The following MTMR7 variants were observed in gnomAD, a reference collection of about 807,000 sequenced individuals.
MTMR7 encodes the protein myotubularin related protein 7.
A neutral mutation model predicts 81.2 loss-of-function variants in MTMR7; 76 were observed. The ratio of observed to expected loss-of-function variants is 0.94; its 90% CI spans 0.78 to 1.13. The LOEUF (loss-of-function observed/expected upper bound fraction) is 1.13. Ranked by LOEUF, MTMR7 falls within the 50% of genes most tolerant of loss-of-function variation. MTMR7 has a pLI of 0.00. For synonymous variants in MTMR7, 372 were observed against 289.8 expected (o/e 1.28, Z -2.88); for missense variants, 1,044 against 820.0 (o/e 1.27, Z -3.34).
At chr8:17,341,268 G>A (rs535047973) in intron 6 of MTMR7, 95 bp downstream of exon 6, 28 of 1,509,246 alleles carry the variant, frequency 1.9e-5, no homozygotes, top group Admixed American at 1.5e-4. Context: ...TGCAGATGAA[G>A]CAACCTGCAC....
chr8:17,395,324 G>A (rs535167243), intron 1 of MTMR7, among the ~76,000 whole-genome samples: 2 of 152,204 alleles, frequency 1.3e-5, no homozygotes, highest in East Asian at 3.9e-4. Context: ...ATTTGTTGAT[G>A]GACTCTTGGA....
At chr8:17,302,415 C>G in intron 12 of MTMR7, 135 bp from the exon 13 acceptor site, 1 of 914,694 alleles carries the variant, frequency 1.1e-6, no homozygotes, top group Non-Finnish European at 1.6e-6. Context: ...AAAAAAGCCA[C>G]TACTTAAGGT....
intron 6 of MTMR7, 115 bp downstream of exon 6, chr8:17,341,248 A>T: frequency 7.2e-7 from 1 of 1,383,300 alleles, no homozygotes; most frequent in Non-Finnish European, 9.9e-7. Flanking sequence ...GCCAAGAGGA[A>T]CCGCCCCTTT....
chr8:17,299,920 G>C lies in MTMR7; in HGVS notation c.1925C>G (p.Pro642Arg). Residue 642 changes from proline to arginine, a missense_variant, in exon 14 of 14, where the codon CCG becomes CGG. By Grantham distance (103) the Pro-to-Arg change is moderately radical. Coordinates refer to ENST00000180173, the MANE Select transcript of MTMR7 (RefSeq NM_004686.5). ...CCGGTCCTTGCCACTATCTTCACTCGGTGCATGCTCACCACCACTTGGAGA... is the reference window on the plus strand; with the variant it reads ...CCGGTCCTTGCCACTATCTTCACTCCGTGCATGCTCACCACCACTTGGAGA... ...CRSPSGGEHA[P>R]SEDSGKDRDS... is the part of the protein sequence containing the mutation. 6.2e-7 allele frequency: 1 copy of C among 1,614,066 alleles called. No homozygotes were observed. Among genetic ancestry groups the C allele is most frequent in the Non-Finnish European group, 8.5e-7 (1 of 1,180,002 alleles).
At chr8:17,376,446 T>C (rs1820590907) in intron 1 of MTMR7, among the ~76,000 whole-genome samples, 1 of 152,214 alleles carries the variant, frequency 6.6e-6, no homozygotes, top group African/African-American at 2.4e-5. Flanking sequence ...TTATCTTGGC[T>C]ATACTTAGGA....
At chr8:17,345,513 T>C (rs1482184351) in intron 5 of MTMR7, among the ~76,000 whole-genome samples, 3 of 152,238 alleles carry the variant, frequency 2.0e-5, no homozygotes, top group African/African-American at 7.2e-5. Flanking sequence ...AGTGAGTATA[T>C]GTGACTGTTC....
chr8:17,361,408 G>T, intron 3 of MTMR7, 134 bp from the exon 4 acceptor site: 1 of 895,716 alleles, frequency 1.1e-6, no homozygotes, highest in Non-Finnish European at 1.7e-6. Flanking sequence ...ACTCTTGGGA[G>T]TAACCTGTGT....
chr8:17,397,593 C>T (rs999228358), intron 1 of MTMR7, among the ~76,000 whole-genome samples: 1 of 152,188 alleles, frequency 6.6e-6, no homozygotes, highest in Non-Finnish European at 1.5e-5. Flanking sequence ...ATGTTGACTC[C>T]AATCCTTGGC....
chr8:17,325,961 C>T (rs1818658793), intron 7 of MTMR7, among the ~76,000 whole-genome samples: 1 of 152,196 alleles, frequency 6.6e-6, no homozygotes, highest in South Asian at 2.1e-4. Context: ...CCACCTTACA[C>T]TGGAAAGCAC....
At chr8:17,384,824 T>C (rs541851348) in intron 1 of MTMR7, among the ~76,000 whole-genome samples, 14 of 152,208 alleles carry the variant, frequency 9.2e-5, no homozygotes, top group African/African-American at 3.1e-4. Flanking sequence ...CCAAAAGGAG[T>C]ATTTAATCTT....
At chr8:17,404,133 TG>T (rs34415251) in intron 1 of MTMR7, among the ~76,000 whole-genome samples, 3 of 152,020 alleles carry the variant, frequency 2.0e-5, no homozygotes, top group East Asian at 3.9e-4. Context: ...AATAAACTGG[TG>T]GGGGAGTGGC....
At chr8:17,310,991 C>A (rs528874934) in intron 9 of MTMR7, among the ~76,000 whole-genome samples, 66 of 152,278 alleles carry the variant, frequency 4.3e-4, no homozygotes, top group African/African-American at 1.5e-3. Flanking sequence ...ATATACTCGT[C>A]ATTTCAGCAA....
At chr8:17,300,774 C>CCTAT (rs1260346038) in intron 13 of MTMR7, among the ~76,000 whole-genome samples, 5 of 152,246 alleles carry the variant, frequency 3.3e-5, no homozygotes, top group East Asian at 1.9e-4. Context: ...ATTTCCCATT[C>CCTAT]CTATCTCCCC....
intron 1 of MTMR7, among the ~76,000 whole-genome samples, chr8:17,389,418 GAA>G (rs201025504): frequency 0.012 from 1,800 of 152,270 alleles, 23 homozygotes; most frequent in Non-Finnish European, 0.018. Flanking sequence ...GGGAAGAAAG[GAA>G]AAGAGACACA....
At chr8:17,411,539 T>A (rs549096729) in intron 1 of MTMR7, among the ~76,000 whole-genome samples, 3 of 152,202 alleles carry the variant, frequency 2.0e-5, no homozygotes, top group Non-Finnish European at 2.9e-5. Flanking sequence ...ATCCGATCCA[T>A]CCAACCTCTG....
intron 5 of MTMR7, among the ~76,000 whole-genome samples, chr8:17,344,969 A>C (rs1197100401): frequency 6.6e-6 from 1 of 152,156 alleles, no homozygotes; most frequent in East Asian, 1.9e-4. Context: ...AAACTTTAAA[A>C]AAAAAATCCT....
At position 17,309,298 on chromosome 8, in the gene MTMR7, A is replaced by C; in HGVS notation, c.1130T>G (p.Phe377Cys). 1 of 1,564,346 alleles carries C rather than the reference A, an allele frequency of 6.4e-7. No individual in the cohort carries two copies. The highest frequency in any genetic ancestry group is 8.8e-7 in the Non-Finnish European group (1 of 1,135,230). Residue 377 changes from phenylalanine (F) to cysteine (C), a missense_variant, in exon 10 of 14, where the codon TTT becomes TGT. By Grantham distance (205) the Phe-to-Cys change is radical. Coordinates refer to ENST00000180173, the MANE Select transcript of MTMR7 (RefSeq NM_004686.5). Reference sequence around the variant, plus strand: ...TTACCGGTGATTAAACTTATGACCAAAGGAAATCCAGTCCTTTTCAATTAA... The same window carrying C: ...TTACCGGTGATTAAACTTATGACCACAGGAAATCCAGTCCTTTTCAATTAA... ...MVLIEKDWIS[F>C]GHKFNHRYGN... is the part of the protein sequence containing the mutation.
At chr8:17,374,101 G>C (rs1820499877) in intron 1 of MTMR7, among the ~76,000 whole-genome samples, 1 of 152,228 alleles carries the variant, frequency 6.6e-6, no homozygotes, top group African/African-American at 2.4e-5. Flanking sequence ...CACCTGCAGA[G>C]AAACACTGAC....
intron 7 of MTMR7, among the ~76,000 whole-genome samples, chr8:17,321,527 G>T (rs1211067712): frequency 6.6e-6 from 1 of 152,198 alleles, no homozygotes; most frequent in Non-Finnish European, 1.5e-5. Flanking sequence ...AAAGCAAAGA[G>T]GTCTGCAGAT....
Sources: allele counts gnomAD v4.1 joint callset (sites outside exome capture counted in the v4.1 genomes callset), GRCh38; gene constraint gnomAD v4.1.1; transcripts MANE v1.5; gene names NCBI Gene and HGNC (gene_info 2026-07-23, HGNC 2026-07-21).